The following GRIP2 variants were observed in gnomAD, a reference collection of about 807,000 sequenced individuals.
GRIP2 encodes the protein glutamate receptor-interacting protein 2.
Under a neutral mutation model 108.3 loss-of-function variants are expected in GRIP2, and 58 were observed. The ratio of observed to expected loss-of-function variants is 0.54; its 90% CI spans 0.43 to 0.67. The LOEUF (loss-of-function observed/expected upper bound fraction) is 0.67. Among genes scored for constraint, GRIP2 ranks in the 30% least tolerant of loss-of-function variants. GRIP2 has a pLI of 0.00. For synonymous variants in GRIP2, 586 were observed against 598.2 expected, an observed-to-expected ratio of 0.98 and a Z score of 0.30; for missense variants, 1,278 against 1,430.6, an observed-to-expected ratio of 0.89 and a Z score of 1.72.
the GRIP2 span, among the ~76,000 whole-genome samples, chr3:14,572,653 C>T: frequency 6.9e-6 from 1 of 144,974 alleles, no homozygotes; most frequent in Non-Finnish European, 1.5e-5. Flanking sequence ...AGAAGATTAT[C>T]ACAGGAAGTA....
rs570521935 is a variant in GRIP2, at chr3:14,490,892, C to G, written c.*2773G>C. ...GAGCTAAAGCCCCTCACCCTGGTCC[C>G]TCTATCCCGTTACTCCCTTGTTTTC... On this transcript the variant is annotated 3_prime_UTR_variant, in exon 24 of 24. Transcript: ENST00000621039. 1 of 152,362 alleles carries G rather than the reference C, an allele frequency of 6.6e-6. No homozygotes were observed. The highest frequency in any genetic ancestry group is 1.5e-5 in the Non-Finnish European group (1 of 68,036). 9.4% of individuals were successfully genotyped at this position (152,362 alleles called of 1,614,324 possible).
chr3:14,579,016 C>T, the GRIP2 span, among the ~76,000 whole-genome samples: 1 of 152,182 alleles, frequency 6.6e-6, no homozygotes, highest in African/African-American at 2.4e-5. Context: ...ACTTGCGTAT[C>T]AGTGTTTAGG....
Position 14,514,288 on chromosome 3 carries a change from T to G in GRIP2, c.1493+4A>C. 2 of 1,547,886 alleles carry G rather than the reference T, an allele frequency of 1.3e-6. No individual in the cohort carries two copies. Among genetic ancestry groups the G allele is most frequent in the Non-Finnish European group, 1.7e-6 (2 of 1,146,114 alleles). On this transcript the variant is annotated splice_donor_region_variant and intron_variant, in intron 12 of 23. Transcript: ENST00000621039. ...GCTCAGTAGGGAGGGGGCAGGAGGCTCACCTCTCAGCCGGACTGTCAGGCT... is the reference window on the plus strand; with the variant it reads ...GCTCAGTAGGGAGGGGGCAGGAGGCGCACCTCTCAGCCGGACTGTCAGGCT...
chr3:14,585,980 G>A, the GRIP2 span, among the ~76,000 whole-genome samples: 1 of 152,088 alleles, frequency 6.6e-6, no homozygotes, highest in African/African-American at 2.4e-5. Context: ...CCTTCCATTG[G>A]CCTGGCACCC....
chr3:14,508,062 T>G (rs147910887), intron 17 of GRIP2, among the ~76,000 whole-genome samples: 92 of 152,306 alleles, frequency 6.0e-4, no homozygotes, highest in African/African-American at 2.2e-3. Flanking sequence ...ATGGGGGTGA[T>G]AATACTAATT....
chr3:14,520,730 T>G, intron 7 of GRIP2, 193 bp from the exon 8 acceptor site: 1 of 638,618 alleles, frequency 1.6e-6, no homozygotes, highest in East Asian at 2.8e-5. Flanking sequence ...ACAGATAAGA[T>G]AGCAGTGGAG....
chr3:14,520,876 A>T, intron 7 of GRIP2: 1 of 269,784 alleles, frequency 3.7e-6, no homozygotes, highest in Admixed American at 4.7e-5. Flanking sequence ...TCCCCATCTC[A>T]GGAAATGGCA....
At position 14,512,877 on chromosome 3, in the gene GRIP2, A is replaced by T; in HGVS notation, c.1640-20T>A. 1 of 1,611,708 alleles carries T rather than the reference A, an allele frequency of 6.2e-7. No individual in the cohort carries two copies. Among genetic ancestry groups the T allele is most frequent in the Non-Finnish European group, 8.5e-7 (1 of 1,178,090 alleles). On this transcript the variant is annotated intron_variant, in intron 13 of 23. Transcript: ENST00000621039. The surrounding 1 kb of genome is among the most constrained non-coding windows in gnomAD (Gnocchi z 5.1). ...CGGACTCTGGGGGTAGATGGACATA[A>T]ACCGACGTGAGGACCCAGAGGAGGA...
chr3:14,519,030 G>A (rs1168617337), intron 9 of GRIP2, among the ~76,000 whole-genome samples: 1 of 152,248 alleles, frequency 6.6e-6, no homozygotes, highest in African/African-American at 2.4e-5. Flanking sequence ...TGGGAGGACA[G>A]TAAGACTAAG....
the GRIP2 span, chr3:14,572,741 C>A: frequency 1.9e-6 from 1 of 528,392 alleles, no homozygotes; most frequent in South Asian, 2.0e-5. Context: ...AGGAAACAGG[C>A]CAGTTCCCAC....
the GRIP2 span, among the ~76,000 whole-genome samples, chr3:14,581,625 T>C: frequency 6.6e-6 from 1 of 152,168 alleles, no homozygotes; most frequent in African/African-American, 2.4e-5. Context: ...GAAGGTAGAA[T>C]GATATAAGTC....
In GRIP2 at chr3:14,522,987, TG is replaced by T; in HGVS notation, c.566+12del. The stretch of plus-strand genomic sequence containing the variant: ...GTCAGTGCAGTGTGTGGATTTCTTC[TG>T]CCTCGGCTCACCTGTCGGCAGGGCC... On this transcript the variant is annotated intron_variant, in intron 6 of 23. Transcript: ENST00000621039. This position sits in a 1 kb window ranked among gnomAD's most constrained non-coding sequence, Gnocchi z 4.3. 6.2e-7 allele frequency: 1 copy of T among 1,613,096 alleles called. No homozygotes were observed. The highest frequency in any genetic ancestry group is 8.5e-7 in the Non-Finnish European group (1 of 1,179,186).
At chr3:14,593,085 A>G in the GRIP2 span, among the ~76,000 whole-genome samples, 1 of 152,180 alleles carries the variant, frequency 6.6e-6, no homozygotes, top group African/African-American at 2.4e-5. Flanking sequence ...ACCACTGGGA[A>G]CTAATGTCAT....
chr3:14,496,388 G>C, intron 22 of GRIP2, 29 bp downstream of exon 22: 1 of 1,574,774 alleles, frequency 6.4e-7, no homozygotes, highest in Non-Finnish European at 8.7e-7. Context: ...CACAGGTCCA[G>C]GTCTCCTGTG....
At chr3:14,539,438 CGG>C (rs1694908132) in intron 1 of GRIP2, among the ~76,000 whole-genome samples, 1 of 152,128 alleles carries the variant, frequency 6.6e-6, no homozygotes, top group Non-Finnish European at 1.5e-5. Context: ...TAAAAGTCAT[CGG>C]GGTGTCAATC....
At chr3:14,574,136 G>A in the GRIP2 span, 11 of 937,128 alleles carry the variant, frequency 1.2e-5, no homozygotes, top group Non-Finnish European at 1.9e-5. Context: ...CCACGGGCAC[G>A]ATGCCATAGA....
chr3:14,566,819 C>G, the GRIP2 span, among the ~76,000 whole-genome samples: 1 of 152,130 alleles, frequency 6.6e-6, no homozygotes, highest in African/African-American at 2.4e-5. Flanking sequence ...CACTGTGTGA[C>G]CTGGGATGAT....
intron 11 of GRIP2, among the ~76,000 whole-genome samples, chr3:14,516,397 C>T (rs1021693228): frequency 2.6e-5 from 4 of 152,140 alleles, no homozygotes; most frequent in African/African-American, 4.8e-5. Flanking sequence ...GGCTGAGAAC[C>T]CTTTCTGCAT....
intron 21 of GRIP2, among the ~76,000 whole-genome samples, chr3:14,500,676 AAAAT>A (rs1170152426): frequency 2.6e-5 from 4 of 152,254 alleles, no homozygotes; most frequent in Admixed American, 1.3e-4. Context: ...TGATTAGAAA[AAAAT>A]AAATAAAGAC....
Sources: gnomAD v4.1 joint callset for allele counts (sites outside exome capture counted in the v4.1 genomes callset) on GRCh38, gnomAD v4.1.1 for gene constraint, Gnocchi (gnomAD v3.1) non-coding constraint, MANE v1.5 for transcripts, NCBI Gene and HGNC (gene_info 2026-07-23, HGNC 2026-07-21) for gene names.